The following NCKAP5 variants were observed in gnomAD, a reference collection of about 807,000 sequenced individuals.
The protein encoded by NCKAP5 is NCK associated protein 5, also known as nck-associated protein 5.
In NCKAP5, 92 loss-of-function variants were observed where a neutral mutation model predicts 167.0. The observed-to-expected ratio is 0.55, with a 90% CI of 0.47 to 0.66. NCKAP5 has a LOEUF of 0.66. NCKAP5 is among the 30% of genes least tolerant of loss of function. NCKAP5 has a pLI of 0.00. For missense variants in NCKAP5, 2,378 were observed against 2,315.0 expected, an observed-to-expected ratio of 1.03 and a Z score of -0.56; for synonymous variants, 891 against 877.4, an observed-to-expected ratio of 1.02 and a Z score of -0.27.
At chr2:133,039,568 T>C (rs900600121) in intron 6 of NCKAP5, among the ~76,000 whole-genome samples, 8 of 152,166 alleles carry the variant, frequency 5.3e-5, no homozygotes, top group Non-Finnish European at 1.0e-4. Context: ...CTGGCAAGGT[T>C]TGGCCTAACC....
the NCKAP5 span, among the ~76,000 whole-genome samples, chr2:133,601,785 AT>A: frequency 6.6e-6 from 1 of 152,062 alleles, no homozygotes; most frequent in Admixed American, 6.6e-5. Flanking sequence ...CTTTTTAAAG[AT>A]TTTTTTCAGG....
intron 3 of NCKAP5, among the ~76,000 whole-genome samples, chr2:133,358,018 T>C (rs1684854710): frequency 6.6e-6 from 1 of 152,210 alleles, no homozygotes; most frequent in Non-Finnish European, 1.5e-5. Flanking sequence ...CCTGGGGTGT[T>C]GTCCTCACCT....
At chr2:133,379,145 A>G (rs909171599) in intron 3 of NCKAP5, among the ~76,000 whole-genome samples, 2 of 152,212 alleles carry the variant, frequency 1.3e-5, no homozygotes, top group Non-Finnish European at 2.9e-5. Flanking sequence ...TACATATAAC[A>G]TTAGTTGAAT....
intron 11 of NCKAP5, among the ~76,000 whole-genome samples, chr2:132,848,208 C>G (rs1273799810): frequency 6.6e-6 from 1 of 152,204 alleles, no homozygotes; most frequent in Non-Finnish European, 1.5e-5. Context: ...CCAAGAACAT[C>G]TCACATGTCC....
chr2:133,547,186 G>A (rs915974465), intron 2 of NCKAP5, among the ~76,000 whole-genome samples: 31 of 152,286 alleles, frequency 2.0e-4, no homozygotes, highest in Admixed American at 1.4e-3. Context: ...AAAAAACGGC[G>A]CGCCACGAGA....
intron 3 of NCKAP5, among the ~76,000 whole-genome samples, chr2:133,495,476 G>A (rs2151369727): frequency 6.6e-6 from 1 of 152,298 alleles, no homozygotes; most frequent in East Asian, 1.9e-4. Flanking sequence ...TACACATGCA[G>A]AATAAACTGG....
chr2:133,614,399 GA>G, the NCKAP5 span, among the ~76,000 whole-genome samples: 2 of 152,066 alleles, frequency 1.3e-5, no homozygotes, highest in South Asian at 4.2e-4. Flanking sequence ...TGAAAACTTT[GA>G]AAAAAATTTA....
At chr2:132,807,693 T>C (rs924831118) in intron 11 of NCKAP5, among the ~76,000 whole-genome samples, 3 of 152,138 alleles carry the variant, frequency 2.0e-5, no homozygotes, top group African/African-American at 7.2e-5. Context: ...AATGATCATA[T>C]TGTCAGCCAA....
intron 4 of NCKAP5, among the ~76,000 whole-genome samples, chr2:133,296,495 G>A (rs965625276): frequency 6.6e-6 from 1 of 152,046 alleles, no homozygotes; most frequent in Non-Finnish European, 1.5e-5. Flanking sequence ...TGAGCTACTG[G>A]CAAGTTGTTA....
Position 133,303,119 on chromosome 2 carries a change from GCAGA to G in NCKAP5, c.70-13_70-10del. On this transcript the variant is annotated splice_polypyrimidine_tract_variant and intron_variant, in intron 3 of 19. Transcript: ENST00000409261. ...TTGGAGTCCATGTATTCCTGCACAA[GCAGA>G]CAAAGACAGATGAAAACTCACTATG... 6.4e-7 allele frequency: 1 copy of G among 1,573,512 alleles called. No homozygotes were observed. Among genetic ancestry groups the G allele is most frequent in the Non-Finnish European group, 8.6e-7 (1 of 1,157,368 alleles).
intron 3 of NCKAP5, among the ~76,000 whole-genome samples, chr2:133,492,807 G>A (rs994235233): frequency 6.6e-6 from 1 of 152,142 alleles, no homozygotes; most frequent in Non-Finnish European, 1.5e-5. Context: ...ATTTAACAAG[G>A]AATTCATAGA....
chr2:133,668,440 T>C, the NCKAP5 span, among the ~76,000 whole-genome samples: 1 of 152,112 alleles, frequency 6.6e-6, no homozygotes, highest in Non-Finnish European at 1.5e-5. Context: ...TTCATATCCT[T>C]GCTGATATTT....
intron 8 of NCKAP5, among the ~76,000 whole-genome samples, chr2:132,958,014 G>T (rs1304710084): frequency 6.6e-6 from 1 of 152,058 alleles, no homozygotes; most frequent in Non-Finnish European, 1.5e-5. Context: ...CGTTCTGAAG[G>T]CTCCTATGTA....
intron 8 of NCKAP5, among the ~76,000 whole-genome samples, chr2:132,918,582 A>T (rs1339740227): frequency 6.6e-6 from 1 of 152,212 alleles, no homozygotes; most frequent in African/African-American, 2.4e-5. Flanking sequence ...TATAATGATG[A>T]TGACATTACA....
At chr2:132,995,888 C>T (rs547866501) in intron 6 of NCKAP5, among the ~76,000 whole-genome samples, 101 of 151,982 alleles carry the variant, frequency 6.6e-4, no homozygotes, top group African/African-American at 2.3e-3. Context: ...GCACAAGAAT[C>T]GTTTGAACCC....
intron 1 of NCKAP5, among the ~76,000 whole-genome samples, chr2:133,567,261 C>T (rs2105053384): frequency 6.6e-6 from 1 of 152,290 alleles, no homozygotes. Flanking sequence ...GCTTGAAGGA[C>T]AGAAAGACAA....
intron 4 of NCKAP5, among the ~76,000 whole-genome samples, chr2:133,233,981 C>T (rs2087274712): frequency 6.6e-6 from 1 of 152,190 alleles, no homozygotes; most frequent in African/African-American, 2.4e-5. Flanking sequence ...CATTGAAGAA[C>T]CCATCAGGAC....
In NCKAP5 at chr2:132,708,757, T is replaced by C. The variant is rs145623869; in HGVS notation, c.5713+16870A>G. Among the ~76,000 whole-genome samples the C allele has an allele frequency of 4.9e-3, 741 of 152,350 alleles. 5 individuals carry two copies. The highest frequency in any genetic ancestry group is 0.017 in the African/African-American group (707 of 41,580). The stretch of plus-strand genomic sequence containing the variant: ...GAATGCCTTCTTACGTCTTTCCCCT[T>C]TTTCTATTATATTGTTGTCTTCGTA... On this transcript the variant is annotated intron_variant, in intron 19 of 19. Transcript: ENST00000409261.
In NCKAP5 at chr2:132,715,953, T is replaced by C. The variant is rs1026273631; in HGVS notation, c.5713+9674A>G. ...AAAGGTTAATCTTTTCTTGGCTTCT[T>C]CTTGTCACTACTGACATTTTGTACC... On this transcript the variant is annotated intron_variant, in intron 19 of 19. Transcript: ENST00000409261. Among the ~76,000 whole-genome samples, 14 of 152,302 alleles carry C rather than the reference T, an allele frequency of 9.2e-5. No individual in the cohort carries two copies. In the South Asian group the frequency reaches 2.9e-3, roughly 32 times the overall value.
Sources: gnomAD v4.1 joint callset for allele counts (sites outside exome capture counted in the v4.1 genomes callset) on GRCh38, gnomAD v4.1.1 for gene constraint, MANE v1.5 for transcripts, NCBI Gene and HGNC (gene_info 2026-07-23, HGNC 2026-07-21) for gene names.